Variants in RBBP8 observed in about 807,000 individuals in gnomAD.
RBBP8 encodes RB binding protein 8, endonuclease.
Under a neutral mutation model 108.3 loss-of-function variants are expected in RBBP8, and 88 were observed. The ratio of observed to expected loss-of-function variants is 0.81; its 90% CI spans 0.68 to 0.97. The LOEUF is 0.97. RBBP8 is among the 50% of genes least tolerant of loss of function. The pLI, the probability that RBBP8 is intolerant of heterozygous loss-of-function variation, is 0.00. For missense variants in RBBP8, 1,023 were observed against 1,049.0 expected, an observed-to-expected ratio of 0.98 and a Z score of 0.34; for synonymous variants, 332 against 348.2, an observed-to-expected ratio of 0.95 and a Z score of 0.52.
At chr18:23,008,113 T>C (rs1234478965) in intron 16 of RBBP8, among the ~76,000 whole-genome samples, 2 of 152,136 alleles carry the variant, frequency 1.3e-5, no homozygotes, top group South Asian at 4.1e-4. Flanking sequence ...CGCCTGGCGC[T>C]AAGCATCTTG....
intron 18 of RBBP8, among the ~76,000 whole-genome samples, chr18:23,022,805 G>A (rs2046394988): frequency 6.6e-6 from 1 of 151,256 alleles, no homozygotes; most frequent in African/African-American, 2.4e-5. Flanking sequence ...TAATTTATTT[G>A]GAATTAGAGA....
In RBBP8 at chr18:22,997,829, C is replaced by A. The variant is rs192968788; in HGVS notation, c.2143+95C>A. ...CTGATTAGCTCAAGTGACCTCTTCA[C>A]CATAAAGCAGGTTTTTTCCTGCTCT... On this transcript the variant is annotated intron_variant, in intron 14 of 18. Transcript: ENST00000327155. The A allele has an allele frequency of 4.6e-6, 4 of 867,964 alleles. No individual in the cohort carries two copies. In the African/African-American group the frequency reaches 6.7e-5, roughly 15 times the overall value. The allele number at this position is 867,964 out of a possible 1,614,324, so 53.8% of individuals were successfully genotyped here.
chr18:22,989,763 C>T (rs1460005809), intron 9 of RBBP8, among the ~76,000 whole-genome samples: 5 of 152,106 alleles, frequency 3.3e-5, no homozygotes, highest in Non-Finnish European at 5.9e-5. Flanking sequence ...GCTTCAAACT[C>T]CTGGCCTCAA....
chr18:22,982,295 C>T lies in RBBP8; in HGVS notation c.506C>T (p.Ser169Leu). 1.2e-6 allele frequency: 2 copies of T among 1,614,184 alleles called. No individual in the cohort carries two copies. The highest frequency in any genetic ancestry group is 1.7e-6 in the Non-Finnish European group (2 of 1,180,028). The change falls in exon 7 of 19, where the codon TCA becomes TTA. Residue 169 changes from serine (S) to leucine (L), a missense_variant. Ser to Leu is a moderately radical substitution (Grantham distance 145, BLOSUM62 -2). Coordinates refer to ENST00000327155, the MANE Select transcript of RBBP8 (RefSeq NM_002894.3). ...VIPDSPITAF[S>L]FSGVNRLRRK... ...CCAGATTCACCGATAACAGCCTTCT[C>T]ATTTTCTGGCGTTAACCGGCTACGA...
At chr18:22,919,840 C>T (rs1909517436) in intron 3 of RBBP8, among the ~76,000 whole-genome samples, 1 of 151,962 alleles carries the variant, frequency 6.6e-6, no homozygotes, top group East Asian at 1.9e-4. Context: ...GTGTGAGCCA[C>T]CATGTCTAGC....
In RBBP8 at chr18:23,014,880, T is replaced by C. The variant is rs2046231167; in HGVS notation, c.2358-1948T>C. ...TAATTTTTCTTTTTCTTTTTTCTGGTTTTTTTTTGTTTTGTTTTGTTTTGA... is the reference window on the plus strand; with the variant it reads ...TAATTTTTCTTTTTCTTTTTTCTGGCTTTTTTTTGTTTTGTTTTGTTTTGA... On this transcript the variant is annotated intron_variant, in intron 16 of 18. Transcript: ENST00000327155. 2.0e-5 allele frequency among the ~76,000 whole-genome samples: 3 copies of C among 150,580 alleles called. No homozygotes were observed. In the South Asian group the frequency reaches 6.3e-4, roughly 32 times the overall value.
intron 16 of RBBP8, among the ~76,000 whole-genome samples, chr18:23,012,896 C>G (rs190427249): frequency 6.6e-6 from 1 of 152,252 alleles, no homozygotes; most frequent in East Asian, 1.9e-4. Context: ...TGGGTTAATG[C>G]GCTGGTGACT....
At chr18:22,997,436 G>A (rs2045878792) in intron 13 of RBBP8, among the ~76,000 whole-genome samples, 184 bp from the exon 14 acceptor site, 1 of 152,104 alleles carries the variant, frequency 6.6e-6, no homozygotes, top group African/African-American at 2.4e-5. Context: ...AAGCTAAAAT[G>A]TTTTATAAGC....
rs185646125 is a variant in RBBP8, at chr18:22,936,797, A to G, written c.-55A>G. The stretch of plus-strand genomic sequence containing the variant: ...GACGACTTGATACCTCTATAATGTA[A>G]CAGAAAAGGTCAGAAAATATTAAGC... On this transcript the variant is annotated 5_prime_UTR_variant, in exon 2 of 19. An upstream open reading frame in the 5' UTR loses its in-frame stop. Coordinates refer to ENST00000327155, the MANE Select transcript of RBBP8 (RefSeq NM_002894.3). 2 of 1,607,212 alleles carry G rather than the reference A, an allele frequency of 1.2e-6. No homozygotes were observed. Among genetic ancestry groups the G allele is most frequent in the Admixed American group, 1.7e-5 (1 of 60,010 alleles).
intron 15 of RBBP8, 139 bp downstream of exon 15, chr18:23,001,868 T>C: frequency 8.0e-7 from 1 of 1,247,970 alleles, no homozygotes; most frequent in Non-Finnish European, 1.1e-6. Context: ...TTCAGGTTTT[T>C]AAAATTTTGA....
At chr18:22,922,069 C>T (rs182201258) in intron 3 of RBBP8, among the ~76,000 whole-genome samples, 2 of 152,192 alleles carry the variant, frequency 1.3e-5, no homozygotes, top group Admixed American at 1.3e-4. Context: ...TAATGTGATC[C>T]TGAGGCTTGG....
chr18:23,007,794 C>T (rs1183835726), intron 16 of RBBP8, among the ~76,000 whole-genome samples: 1 of 149,532 alleles, frequency 6.7e-6, no homozygotes, highest in East Asian at 1.9e-4. Flanking sequence ...AAAACAAAAC[C>T]TTTAAGCATG....
intron 15 of RBBP8, 40 bp from the exon 16 acceptor site, chr18:23,006,323 G>A: frequency 6.5e-7 from 1 of 1,539,018 alleles, no homozygotes; most frequent in Non-Finnish European, 9.0e-7. Context: ...TTCTCATTAA[G>A]TTCTACATTT....
At chr18:22,981,461 A>G (rs1914926191) in intron 6 of RBBP8, among the ~76,000 whole-genome samples, 1 of 152,220 alleles carries the variant, frequency 6.6e-6, no homozygotes, top group Admixed American at 6.5e-5. Context: ...TTACTATTTT[A>G]GTAAATGACT....
At chr18:22,998,168 A>G (rs577259634) in intron 14 of RBBP8, among the ~76,000 whole-genome samples, 1 of 152,092 alleles carries the variant, frequency 6.6e-6, no homozygotes, top group African/African-American at 2.4e-5. Flanking sequence ...GGTGTAGACA[A>G]TTTTTTATAA....
At chr18:22,957,520 T>C (rs1912685946) in intron 4 of RBBP8, among the ~76,000 whole-genome samples, 3 of 152,210 alleles carry the variant, frequency 2.0e-5, no homozygotes, top group Admixed American at 2.0e-4. Context: ...TGGAAGCTTT[T>C]ATTTCTTCAT....
At chr18:23,000,695 C>A (rs762130231) in intron 14 of RBBP8, among the ~76,000 whole-genome samples, 1 of 150,672 alleles carries the variant, frequency 6.6e-6, no homozygotes, top group African/African-American at 2.4e-5. Flanking sequence ...GAGCCAATAT[C>A]GCCTCACTGC....
At chr18:22,936,672 A>T in intron 1 of RBBP8, 82 bp from the exon 2 acceptor site, 2 of 652,016 alleles carry the variant, frequency 3.1e-6, no homozygotes, top group Non-Finnish European at 5.3e-6. Context: ...AAATGAGGAT[A>T]TCTGGGCTTG....
At chr18:22,955,811 A>G (rs1203099494) in intron 4 of RBBP8, among the ~76,000 whole-genome samples, 1 of 151,984 alleles carries the variant, frequency 6.6e-6, no homozygotes, top group East Asian at 1.9e-4. Context: ...CGATCTCCTG[A>G]CCTCGTGATC....
Sources: gnomAD v4.1 joint callset for allele counts (sites outside exome capture counted in the v4.1 genomes callset) on GRCh38, gnomAD v4.1.1 for gene constraint, MANE v1.5 for transcripts, NCBI Gene and HGNC (gene_info 2026-07-23, HGNC 2026-07-21) for gene names.